The following USP12 variants were observed in gnomAD, a reference collection of about 807,000 sequenced individuals.
The protein encoded by USP12 is ubiquitin specific peptidase 12, also known as ubiquitin carboxyl-terminal hydrolase 12.
Under a neutral mutation model 45.5 loss-of-function variants are expected in USP12, and 19 were observed. The observed-to-expected ratio is 0.42, with a 90% CI of 0.29 to 0.61. USP12 has a LOEUF of 0.61. Among genes scored for constraint, USP12 ranks in the 20% least tolerant of loss-of-function variants. The probability of loss-of-function intolerance (pLI) is 0.22; values close to 1 mark genes in which losing one functional copy is unlikely to be tolerated. For synonymous variants in USP12, 149 were observed against 148.8 expected (o/e 1.00, Z -0.01); for missense variants, 242 against 447.7 (o/e 0.54, Z 4.15).
chr13:27,096,051 C>A lies in USP12; in HGVS notation c.344-221G>T, dbSNP rs532041554. On this transcript the variant is annotated intron_variant, in intron 3 of 8. Coordinates refer to ENST00000282344, the MANE Select transcript of USP12 (RefSeq NM_182488.4). ...TTGTTTAAAAATACTACTAATTGAT[C>A]CTGAGAAAAGGGCAAAACCTATCCT... is the stretch of plus-strand genomic sequence containing the variant. Among the ~76,000 whole-genome samples, 10 of 152,132 alleles carry A rather than the reference C, an allele frequency of 6.6e-5. No homozygotes were observed. The East Asian group carries it at 1.3e-3, about 21-fold the overall frequency.
At chr13:27,130,538 AC>A (rs1436190881) in intron 1 of USP12, among the ~76,000 whole-genome samples, 5 of 134,054 alleles carry the variant, frequency 3.7e-5, no homozygotes, top group African/African-American at 1.4e-4. Context: ...TCACACACAC[AC>A]AAAAAAAATC....
intron 2 of USP12, among the ~76,000 whole-genome samples, chr13:27,112,835 C>T (rs1468542597): frequency 6.6e-6 from 1 of 152,156 alleles, no homozygotes; most frequent in African/African-American, 2.4e-5. Flanking sequence ...TAAAAATAAA[C>T]ATCAGAAATG....
chr13:27,088,395 C>A (rs1441495641), intron 6 of USP12, among the ~76,000 whole-genome samples: 1 of 122,436 alleles, frequency 8.2e-6, no homozygotes, highest in African/African-American at 3.2e-5. Flanking sequence ...CCAGCCTGGG[C>A]GACAGAGCGA....
intron 3 of USP12, among the ~76,000 whole-genome samples, chr13:27,103,976 G>T (rs193131612): frequency 2.0e-5 from 3 of 152,214 alleles, no homozygotes; most frequent in Admixed American, 2.0e-4. Context: ...AAGGCCAAGA[G>T]AAATGTACTA....
chr13:27,159,196 ATTTTTC>A, intron 1 of USP12, among the ~76,000 whole-genome samples: 1 of 152,146 alleles, frequency 6.6e-6, no homozygotes, highest in Non-Finnish European at 1.5e-5. Context: ...CAGATATCAC[ATTTTTC>A]TTTAAGAGTA....
At chr13:27,136,228 C>G (rs1040684266) in intron 1 of USP12, among the ~76,000 whole-genome samples, 1 of 152,136 alleles carries the variant, frequency 6.6e-6, no homozygotes, top group Non-Finnish European at 1.5e-5. Flanking sequence ...CTTGGCGGGG[C>G]GCGGTGCTCA....
intron 1 of USP12, among the ~76,000 whole-genome samples, chr13:27,143,305 A>G (rs1352000180): frequency 2.0e-5 from 3 of 152,238 alleles, no homozygotes; most frequent in Non-Finnish European, 2.9e-5. Context: ...CATTTGCAGC[A>G]TGGGTAGGGA....
intron 1 of USP12, among the ~76,000 whole-genome samples, chr13:27,156,771 G>A (rs994582433): frequency 8.6e-5 from 13 of 152,030 alleles, no homozygotes; most frequent in Admixed American, 3.3e-4. Context: ...GCAGTGAGCC[G>A]AAATCACACC....
intron 6 of USP12, among the ~76,000 whole-genome samples, chr13:27,084,369 G>A (rs1873909599): frequency 6.6e-6 from 1 of 151,836 alleles, no homozygotes; most frequent in African/African-American, 2.4e-5. Flanking sequence ...AGCTGGGCAT[G>A]GTGGCGCACA....
chr13:27,108,078 G>A (rs1178594654), intron 2 of USP12, among the ~76,000 whole-genome samples: 1 of 152,110 alleles, frequency 6.6e-6, no homozygotes. Flanking sequence ...AAAGACACAT[G>A]CACACATATG....
intron 6 of USP12, among the ~76,000 whole-genome samples, chr13:27,076,731 C>A (rs1873504946): frequency 6.6e-6 from 1 of 152,048 alleles, no homozygotes; most frequent in African/African-American, 2.4e-5. Flanking sequence ...TGGTAAGCCA[C>A]TGCCTCTAAT....
chr13:27,168,553 C>A (rs1252400211), intron 1 of USP12, among the ~76,000 whole-genome samples: 1 of 152,140 alleles, frequency 6.6e-6, no homozygotes, highest in Non-Finnish European at 1.5e-5. Flanking sequence ...GTACTCCGTG[C>A]CAGGCCCTGA....
chr13:27,071,189 TA>T, intron 7 of USP12, 40 bp from the exon 8 acceptor site: 1 of 1,520,164 alleles, frequency 6.6e-7, no homozygotes. Context: ...ATATATTTAT[TA>T]ATATTACTCT....
At chr13:27,142,058 G>A (rs1877088575) in intron 1 of USP12, among the ~76,000 whole-genome samples, 1 of 152,076 alleles carries the variant, frequency 6.6e-6, no homozygotes, top group Admixed American at 6.5e-5. Context: ...GGAGGCAGAG[G>A]GTGCACTGAG....
In USP12 at chr13:27,095,738, G is replaced by C. The variant is rs756029424; in HGVS notation, c.436C>G (p.Gln146Glu). 1 of 1,612,700 alleles carries C rather than the reference G, an allele frequency of 6.2e-7. No individual in the cohort carries two copies. Among genetic ancestry groups the C allele is most frequent in the Non-Finnish European group, 8.5e-7 (1 of 1,179,394 alleles). Residue 146 changes from glutamine (Q) to glutamate (E), a missense_variant, in exon 4 of 9, where the codon CAG (glutamine) becomes GAG (glutamate). Around this residue, in one of 5 missense-constraint regions of USP12, gnomAD observed 40 missense variants for 38.6 expected, o/e 1.04. Coordinates refer to ENST00000282344, the MANE Select transcript of USP12 (RefSeq NM_182488.4). ...IADILQEERK[Q>E]EKQNGRLPNG... ...GGTAAACGACCATTTTGTTTTTCCT[G>C]CTTTCTCTCTTCTTGTAAAATATCA...
At chr13:27,148,084 G>T (rs373478104) in intron 1 of USP12, among the ~76,000 whole-genome samples, 1 of 150,894 alleles carries the variant, frequency 6.6e-6, no homozygotes, top group Non-Finnish European at 1.5e-5. Flanking sequence ...AGCTGTGACC[G>T]CACTACTGCA....
chr13:27,168,266 G>A (rs570321369), intron 1 of USP12, among the ~76,000 whole-genome samples: 38 of 152,274 alleles, frequency 2.5e-4, no homozygotes, highest in African/African-American at 8.9e-4. Context: ...CTTCTCCGTT[G>A]TCTGGTCCCC....
chr13:27,080,654 G>T (rs1174197835), intron 6 of USP12, among the ~76,000 whole-genome samples: 1 of 152,202 alleles, frequency 6.6e-6, no homozygotes, highest in Non-Finnish European at 1.5e-5. Flanking sequence ...GGATCCCACA[G>T]AGTAGTGACA....
intron 1 of USP12, among the ~76,000 whole-genome samples, chr13:27,156,433 C>T (rs1027315507): frequency 3.3e-5 from 5 of 152,262 alleles, no homozygotes; most frequent in East Asian, 1.9e-4. Flanking sequence ...GATATAGTGA[C>T]GAAACGCAAC....
Sources: gnomAD v4.1 joint callset for allele counts (sites outside exome capture counted in the v4.1 genomes callset) on GRCh38, gnomAD v4.1.1 for gene constraint, gnomAD v4.1.1 regional missense constraint, MANE v1.5 for transcripts, NCBI Gene and HGNC (gene_info 2026-07-23, HGNC 2026-07-21) for gene names.